Variants in TANGO6 observed in about 807,000 individuals in gnomAD.
TANGO6 encodes the protein transport and Golgi organization protein 6 homolog.
TANGO6 carries 90 observed loss-of-function variants against 114.2 expected under a neutral mutation model. The observed-to-expected ratio is 0.79, with a 90% CI of 0.66 to 0.94. The LOEUF is 0.94. Ranked by LOEUF, TANGO6 falls within the 40% of genes least tolerant of loss-of-function variation. The probability of loss-of-function intolerance (pLI) is 0.00; values close to 1 mark genes in which losing one functional copy is unlikely to be tolerated. For synonymous variants in TANGO6, 477 were observed against 509.8 expected (o/e 0.94, Z 0.87); for missense variants, 1,274 against 1,315.3 (o/e 0.97, Z 0.49).
intron 17 of TANGO6, among the ~76,000 whole-genome samples, chr16:69,055,443 G>A (rs1165292497): frequency 1.3e-5 from 2 of 152,192 alleles, no homozygotes; most frequent in Admixed American, 1.3e-4. Flanking sequence ...GTGGCCCAGT[G>A]TTATATCCAA....
At chr16:69,036,241 G>T (rs1959685257) in intron 16 of TANGO6, among the ~76,000 whole-genome samples, 1 of 152,054 alleles carries the variant, frequency 6.6e-6, no homozygotes, top group South Asian at 2.1e-4. Flanking sequence ...GAAGAGAGTG[G>T]CCTACATCCT....
intron 11 of TANGO6, among the ~76,000 whole-genome samples, chr16:68,914,101 A>T (rs1431213966): frequency 2.6e-5 from 4 of 152,204 alleles, no homozygotes; most frequent in African/African-American, 9.7e-5. Flanking sequence ...TACTGTGAGG[A>T]TTAAATGTGT....
intron 17 of TANGO6, among the ~76,000 whole-genome samples, chr16:69,074,963 C>G (rs934485581): frequency 2.0e-5 from 3 of 152,012 alleles, no homozygotes; most frequent in Non-Finnish European, 4.4e-5. Flanking sequence ...ATTCTCCTGC[C>G]TCAGCCTCCT....
chr16:68,949,283 T>C (rs1963446952), intron 14 of TANGO6, among the ~76,000 whole-genome samples: 1 of 152,202 alleles, frequency 6.6e-6, no homozygotes, highest in South Asian at 2.1e-4. Context: ...TATAGAACTT[T>C]TGAGATCTGT....
At chr16:68,854,224 C>T (rs1213906011) in intron 1 of TANGO6, among the ~76,000 whole-genome samples, 4 of 152,048 alleles carry the variant, frequency 2.6e-5, no homozygotes, top group African/African-American at 7.2e-5. Context: ...GAGGCAGAGG[C>T]GGAAGAATTG....
chr16:68,997,130 G>A (rs1284545670), intron 15 of TANGO6, among the ~76,000 whole-genome samples: 4 of 152,178 alleles, frequency 2.6e-5, no homozygotes, highest in African/African-American at 9.7e-5. Context: ...TGGACCAAAT[G>A]GCCCACTGTG....
intron 14 of TANGO6, among the ~76,000 whole-genome samples, chr16:68,946,135 CATTTGAAACACAGAAGTTTTTA>C (rs1327652247): frequency 6.6e-6 from 1 of 151,816 alleles, no homozygotes; most frequent in Non-Finnish European, 1.5e-5. Context: ...ATAATGGTGT[CATTTGAAACACAGAAGTTTTTA>C]CTTTCAATGA....
At chr16:69,063,922 C>T (rs1383134009) in intron 17 of TANGO6, among the ~76,000 whole-genome samples, 7 of 151,602 alleles carry the variant, frequency 4.6e-5, no homozygotes, top group Admixed American at 1.3e-4. Flanking sequence ...CTGCAAACTC[C>T]GCCTCCCGGA....
At chr16:69,077,760 C>T (rs963166556) in intron 17 of TANGO6, among the ~76,000 whole-genome samples, 2 of 151,990 alleles carry the variant, frequency 1.3e-5, no homozygotes, top group African/African-American at 2.4e-5. Flanking sequence ...ACCCAGGAGG[C>T]GGAGGTTGGC....
chr16:69,014,227 C>A (rs1959249784), intron 15 of TANGO6, among the ~76,000 whole-genome samples: 1 of 152,180 alleles, frequency 6.6e-6, no homozygotes, highest in Admixed American at 6.5e-5. Flanking sequence ...CTTTCTCTGT[C>A]AACCACAGCT....
intron 17 of TANGO6, among the ~76,000 whole-genome samples, chr16:69,078,991 G>T (rs920812997): frequency 6.7e-6 from 1 of 150,120 alleles, no homozygotes; most frequent in Non-Finnish European, 1.5e-5. Context: ...TGATCTGCCC[G>T]TCTCGGCTAC....
At chr16:68,871,438 G>A (rs1251281944) in intron 4 of TANGO6, among the ~76,000 whole-genome samples, 1 of 151,754 alleles carries the variant, frequency 6.6e-6, no homozygotes, top group Non-Finnish European at 1.5e-5. Flanking sequence ...TATAGTGTTT[G>A]CCATATTTGG....
At chr16:68,932,915 AAG>A (rs1963261021) in intron 14 of TANGO6, among the ~76,000 whole-genome samples, 2 of 152,250 alleles carry the variant, frequency 1.3e-5, no homozygotes, top group Non-Finnish European at 2.9e-5. Context: ...TATTAATAAA[AAG>A]GGGGCTTAAT....
In TANGO6 at chr16:68,909,394, GTCAC is replaced by G; in HGVS notation, c.1988_1991del (p.Thr663ArgfsTer6). On this transcript the variant is annotated frameshift_variant, in exon 11 of 18. Coordinates refer to ENST00000261778, the MANE Select transcript of TANGO6 (RefSeq NM_024562.2). LOFTEE classifies it high-confidence loss of function. ...AATGTCTGAGCAGATATTCACAAAC[GTCAC>G]TCAGGTCAGTAGTTGCCACATTCTG... 2.0e-6 allele frequency: 3 copies of G among 1,529,184 alleles called. No homozygotes were observed. The South Asian group carries it at 3.8e-5, about 19-fold the overall frequency. The allele number at this position is 1,529,184 out of a possible 1,614,324, so 94.7% of individuals were successfully genotyped here.
At chr16:68,974,850 C>T (rs1237613444) in intron 15 of TANGO6, among the ~76,000 whole-genome samples, 1 of 151,766 alleles carries the variant, frequency 6.6e-6, no homozygotes, top group Non-Finnish European at 1.5e-5. Context: ...TCACTTTAGG[C>T]CTGGCAGGAG....
At chr16:68,849,056 C>T (rs185502062) in intron 1 of TANGO6, among the ~76,000 whole-genome samples, 2 of 152,220 alleles carry the variant, frequency 1.3e-5, no homozygotes, top group East Asian at 1.9e-4. Context: ...AATTATGGGC[C>T]GAGTGCAGTG....
Position 68,903,621 on chromosome 16 carries a change from A to G in TANGO6, c.1667+1117A>G, listed in dbSNP as rs1962812548. Among the ~76,000 whole-genome samples the G allele has an allele frequency of 2.0e-5, 3 of 147,874 alleles. No individual in the cohort carries two copies. In the South Asian group the frequency reaches 6.4e-4, roughly 32 times the overall value. On this transcript the variant is annotated intron_variant, in intron 9 of 17. Transcript: ENST00000261778. ...CAACAGGGCGAGACCATCTCAAAAA[A>G]AAAAAAAAAAAAAAGAAGGACCAGG...
intron 7 of TANGO6, among the ~76,000 whole-genome samples, chr16:68,887,010 G>A (rs1297969092): frequency 6.6e-6 from 1 of 151,482 alleles, no homozygotes; most frequent in Non-Finnish European, 1.5e-5. Context: ...GTTTTACTAT[G>A]TTGTCTAGGC....
At chr16:68,849,169 T>C (rs750356796) in intron 1 of TANGO6, among the ~76,000 whole-genome samples, 2 of 152,092 alleles carry the variant, frequency 1.3e-5, no homozygotes, top group Non-Finnish European at 2.9e-5. Context: ...ACCCTGTCTC[T>C]ACTAAAAATA....
Sources: allele counts gnomAD v4.1 joint callset (sites outside exome capture counted in the v4.1 genomes callset), GRCh38; gene constraint gnomAD v4.1.1; transcripts MANE v1.5; gene names NCBI Gene and HGNC (gene_info 2026-07-23, HGNC 2026-07-21).